The following PARD3 variants were observed in gnomAD, a reference collection of about 807,000 sequenced individuals.
PARD3 encodes partitioning defective 3 homolog.
PARD3 carries 75 observed loss-of-function variants against 155.4 expected under a neutral mutation model. The ratio of observed to expected loss-of-function variants is 0.48; its 90% CI spans 0.40 to 0.58. The LOEUF (loss-of-function observed/expected upper bound fraction) is 0.58, where lower values mean the gene tolerates loss of function less well. PARD3 is among the 20% of genes least tolerant of loss of function. The pLI is 0.00. For missense variants in PARD3, 1,642 were observed against 1,721.7 expected (o/e 0.95, Z 0.82); for synonymous variants, 576 against 610.5 (o/e 0.94, Z 0.83).
chr10:34,308,875 T>C (rs1434481550), intron 20 of PARD3, among the ~76,000 whole-genome samples: 1 of 152,008 alleles, frequency 6.6e-6, no homozygotes, highest in African/African-American at 2.4e-5. Context: ...GGACAGAGTA[T>C]GGCACAGAAT....
chr10:34,542,111 T>G (rs772714181), intron 2 of PARD3, among the ~76,000 whole-genome samples: 7 of 152,010 alleles, frequency 4.6e-5, no homozygotes, highest in Non-Finnish European at 8.8e-5. Flanking sequence ...CTCACAAACA[T>G]TTTTAAAGAA....
intron 20 of PARD3, among the ~76,000 whole-genome samples, chr10:34,294,380 C>A (rs1956811462): frequency 1.3e-5 from 2 of 152,190 alleles, no homozygotes; most frequent in African/African-American, 2.4e-5. Flanking sequence ...ACGAAAGTCA[C>A]AAAGACAGAC....
chr10:34,191,310 C>T (rs1395230687), intron 22 of PARD3, among the ~76,000 whole-genome samples: 5 of 151,944 alleles, frequency 3.3e-5, no homozygotes, highest in East Asian at 2.0e-4. Flanking sequence ...TGGAATATGT[C>T]GACTATGGTG....
intron 1 of PARD3, among the ~76,000 whole-genome samples, chr10:34,746,776 C>T (rs1194167813): frequency 6.6e-6 from 1 of 152,178 alleles, no homozygotes; most frequent in Non-Finnish European, 1.5e-5. Context: ...AATTTATTTG[C>T]TTCTACTAAT....
At chr10:34,679,354 G>A (rs969440827) in intron 2 of PARD3, among the ~76,000 whole-genome samples, 2 of 152,106 alleles carry the variant, frequency 1.3e-5, no homozygotes, top group African/African-American at 4.8e-5. Context: ...ACAGGGTGTA[G>A]CAAAACACCC....
At position 34,521,757 on chromosome 10, in the gene PARD3, A is replaced by G. The variant is rs149414206; in HGVS notation, c.223-4598T>C. Among the ~76,000 whole-genome samples, 368 of 152,346 alleles carry G rather than the reference A, an allele frequency of 2.4e-3. 1 individual carries two copies. Among genetic ancestry groups the G allele is most frequent in the African/African-American group, 8.1e-3 (336 of 41,590 alleles). On this transcript the variant is annotated intron_variant, in intron 2 of 24. Coordinates refer to ENST00000374788, the MANE Select transcript of PARD3 (RefSeq NM_001184785.2). Reference sequence around the variant, plus strand: ...CCAACAGAAAACCTCTTATAGAAACATCACACAGAAATGCTTATAAAACCC... The same window carrying G: ...CCAACAGAAAACCTCTTATAGAAACGTCACACAGAAATGCTTATAAAACCC...
At chr10:34,786,278 C>A (rs1411597913) in intron 1 of PARD3, among the ~76,000 whole-genome samples, 3 of 152,180 alleles carry the variant, frequency 2.0e-5, no homozygotes, top group African/African-American at 4.8e-5. Flanking sequence ...GTCAGAGTTT[C>A]CACTACATGT....
At chr10:34,384,325 T>C in intron 7 of PARD3, 71 bp from the exon 8 acceptor site, 2 of 1,347,694 alleles carry the variant, frequency 1.5e-6, no homozygotes, top group East Asian at 2.3e-5. Flanking sequence ...ACCACTTTAA[T>C]GCTGTTATTA....
At chr10:34,643,053 C>A (rs116392273) in intron 2 of PARD3, among the ~76,000 whole-genome samples, 2,599 of 152,294 alleles carry the variant, frequency 0.017, 70 homozygotes, top group African/African-American at 0.059. Context: ...CTGTGGACTC[C>A]GTCACACTGA....
chr10:34,493,332 C>T (rs1238957406), intron 3 of PARD3, among the ~76,000 whole-genome samples: 1 of 152,164 alleles, frequency 6.6e-6, no homozygotes, highest in East Asian at 1.9e-4. Flanking sequence ...GACCTGTCTG[C>T]GTGTGGCACA....
intron 1 of PARD3, among the ~76,000 whole-genome samples, chr10:34,742,394 G>A (rs1463741681): frequency 2.0e-5 from 3 of 152,118 alleles, no homozygotes; most frequent in African/African-American, 7.2e-5. Flanking sequence ...GATTAATAGA[G>A]ATTAATCCAA....
At chr10:34,460,132 A>G (rs1261130906) in intron 4 of PARD3, among the ~76,000 whole-genome samples, 1 of 152,210 alleles carries the variant, frequency 6.6e-6, no homozygotes, top group Non-Finnish European at 1.5e-5. Context: ...ACAAACTTCT[A>G]AAGAACTGAG....
intron 2 of PARD3, among the ~76,000 whole-genome samples, chr10:34,528,238 TAGTC>T (rs956781460): frequency 6.6e-6 from 1 of 152,234 alleles, no homozygotes; most frequent in African/African-American, 2.4e-5. Context: ...CTAATGGACT[TAGTC>T]AAGCACAAAG....
chr10:34,180,568 AATT>A (rs1950225258), intron 22 of PARD3, among the ~76,000 whole-genome samples: 1 of 152,188 alleles, frequency 6.6e-6, no homozygotes, highest in Non-Finnish European at 1.5e-5. Context: ...CACATGAAAA[AATT>A]ATTAAACCAT....
At chr10:34,378,966 C>T (rs1023750259) in intron 9 of PARD3, among the ~76,000 whole-genome samples, 3 of 152,218 alleles carry the variant, frequency 2.0e-5, no homozygotes, top group East Asian at 3.9e-4. Flanking sequence ...GAAGCCAACA[C>T]GTGCCCAGGA....
chr10:34,171,657 A>G (rs540489628), intron 22 of PARD3, among the ~76,000 whole-genome samples: 121 of 152,164 alleles, frequency 8.0e-4, no homozygotes, highest in African/African-American at 2.9e-3. Flanking sequence ...ATCAAGATTC[A>G]GAGTCCTCAG....
At chr10:34,448,415 T>C (rs1040668121) in intron 5 of PARD3, among the ~76,000 whole-genome samples, 3 of 151,292 alleles carry the variant, frequency 2.0e-5, no homozygotes, top group African/African-American at 7.3e-5. Flanking sequence ...ATATTGGCCA[T>C]AGGGTAAAAA....
chr10:34,484,720 A>G (rs112817758), intron 3 of PARD3, among the ~76,000 whole-genome samples: 92 of 152,290 alleles, frequency 6.0e-4, no homozygotes, highest in Non-Finnish European at 9.8e-4. Context: ...GCTGCTTCAT[A>G]AGTACACAGC....
intron 2 of PARD3, among the ~76,000 whole-genome samples, chr10:34,685,510 T>C (rs2093940282): frequency 6.6e-6 from 1 of 152,162 alleles, no homozygotes; most frequent in South Asian, 2.1e-4. Context: ...TTAAGCCACA[T>C]GTGCACAAAG....
Sources: gnomAD v4.1 joint callset for allele counts (sites outside exome capture counted in the v4.1 genomes callset) on GRCh38, gnomAD v4.1.1 for gene constraint, MANE v1.5 for transcripts, NCBI Gene and HGNC (gene_info 2026-07-23, HGNC 2026-07-21) for gene names.